Variants in AUTS2 observed in about 807,000 individuals in gnomAD.
AUTS2 encodes the protein autism susceptibility gene 2 protein.
AUTS2 carries 17 observed loss-of-function variants against 112.4 expected under a neutral mutation model. The ratio of observed to expected loss-of-function variants is 0.15; its 90% confidence interval spans 0.10 to 0.23. The LOEUF is 0.23. Among genes scored for constraint, AUTS2 ranks in the 10% least tolerant of loss-of-function variants. The pLI is 1.00. For synonymous variants in AUTS2, 751 were observed against 702.7 expected (o/e 1.07, Z -1.09); for missense variants, 1,510 against 1,701.6 (o/e 0.89, Z 1.98).
At chr7:69,878,523 C>G (rs980271951) in intron 1 of AUTS2, among the ~76,000 whole-genome samples, 1 of 152,124 alleles carries the variant, frequency 6.6e-6, no homozygotes, top group African/African-American at 2.4e-5. Flanking sequence ...CACTCTCCTG[C>G]AGGAGAGAGA....
rs186812972 is a variant in AUTS2, at chr7:70,650,088, A to C, written c.691-48481A>C. Among the ~76,000 whole-genome samples the C allele has an allele frequency of 3.8e-3, 576 of 152,278 alleles. 4 individuals are homozygous for C. Among genetic ancestry groups the C allele is most frequent in the African/African-American group, 0.014 (561 of 41,554 alleles). The stretch of plus-strand genomic sequence containing the variant: ...TCTTAGCTTTCTCCTCATGATTTCA[A>C]GATGGCCGCCATAGTTATCAGACAC... On this transcript the variant is annotated intron_variant, in intron 5 of 18. Coordinates refer to ENST00000342771, the MANE Select transcript of AUTS2 (RefSeq NM_015570.4).
At chr7:70,457,228 G>A (rs143218720) in intron 5 of AUTS2, among the ~76,000 whole-genome samples, 1,631 of 152,244 alleles carry the variant, frequency 0.011, 21 homozygotes, top group African/African-American at 0.036. Flanking sequence ...GCTGTGTGAG[G>A]GGGCCTCAGT....
In AUTS2 at chr7:70,791,895, T is replaced by C. The variant is rs1351727384; in HGVS notation, c.*899T>C. ...GCCAGGGAGGGTGGGATTTGCCAGATGCCAAAATCAGGGGACGGGTGGTGG... is the reference window on the plus strand; with the variant it reads ...GCCAGGGAGGGTGGGATTTGCCAGACGCCAAAATCAGGGGACGGGTGGTGG... On this transcript the variant is annotated 3_prime_UTR_variant, in exon 19 of 19. Transcript: ENST00000342771. 2.0e-5 allele frequency: 3 copies of C among 152,198 alleles called. No homozygotes were observed. Among genetic ancestry groups the C allele is most frequent in the Non-Finnish European group, 4.4e-5 (3 of 68,040 alleles). 9.4% of individuals were successfully genotyped at this position (152,198 alleles called of 1,614,324 possible).
At chr7:69,621,173 G>A (rs771060954) in intron 1 of AUTS2, among the ~76,000 whole-genome samples, 53 of 152,258 alleles carry the variant, frequency 3.5e-4, no homozygotes, top group South Asian at 1.7e-3. Context: ...GGTTGGTGCC[G>A]TTTTGATTCC....
intron 1 of AUTS2, among the ~76,000 whole-genome samples, chr7:69,811,066 A>T (rs1350095648): frequency 1.3e-5 from 2 of 152,116 alleles, no homozygotes; most frequent in Admixed American, 1.3e-4. Flanking sequence ...TGTGTCTCTC[A>T]TTTGAGAAGT....
At chr7:70,441,686 G>A (rs898916794) in intron 5 of AUTS2, among the ~76,000 whole-genome samples, 1 of 152,138 alleles carries the variant, frequency 6.6e-6, no homozygotes, top group African/African-American at 2.4e-5. Context: ...CATGCCTGGT[G>A]TTCATTTTTA....
intron 5 of AUTS2, among the ~76,000 whole-genome samples, chr7:70,626,084 T>G (rs1804927433): frequency 6.6e-6 from 1 of 151,992 alleles, no homozygotes; most frequent in African/African-American, 2.4e-5. Context: ...AGCTAATTTT[T>G]GTATTTTTAG....
chr7:70,328,896 T>G (rs1790616633), intron 4 of AUTS2, among the ~76,000 whole-genome samples: 1 of 152,222 alleles, frequency 6.6e-6, no homozygotes, highest in Non-Finnish European at 1.5e-5. Flanking sequence ...CCAAATATTT[T>G]CATCACTCCA....
chr7:70,689,673 G>A (rs1252617495), intron 5 of AUTS2, among the ~76,000 whole-genome samples: 1 of 151,442 alleles, frequency 6.6e-6, no homozygotes, highest in Non-Finnish European at 1.5e-5. Context: ...CTACTCGGGA[G>A]GCTGAGGCAG....
rs1786910793 is a variant in AUTS2, at chr7:69,733,867, T to G, written c.309+133905T>G. ...AATAGCAAATCCCAAGCCACTCACC[T>G]TTTTCTCATAGTATTAATGTTCTAA... On this transcript the variant is annotated intron_variant, in intron 1 of 18. Transcript: ENST00000342771. Among the ~76,000 whole-genome samples, 3 of 152,170 alleles carry G rather than the reference T, an allele frequency of 2.0e-5. No individual in the cohort carries two copies. The South Asian group carries it at 6.2e-4, about 31-fold the overall frequency.
intron 1 of AUTS2, among the ~76,000 whole-genome samples, chr7:69,612,639 A>G (rs1033891479): frequency 5.9e-5 from 9 of 152,072 alleles, no homozygotes; most frequent in Non-Finnish European, 8.8e-5. Context: ...TATTATTTGT[A>G]GAGACGGAGT....
At chr7:70,206,481 A>T (rs1408711113) in intron 4 of AUTS2, among the ~76,000 whole-genome samples, 2 of 152,186 alleles carry the variant, frequency 1.3e-5, no homozygotes, top group Admixed American at 6.5e-5. Flanking sequence ...TGAGAAAAAA[A>T]TGATTTAAAA....
intron 1 of AUTS2, among the ~76,000 whole-genome samples, chr7:69,766,257 A>G (rs1260888550): frequency 1.3e-5 from 2 of 152,146 alleles, no homozygotes; most frequent in Non-Finnish European, 2.9e-5. Flanking sequence ...AGGTTCATTC[A>G]TGTTGTAGTA....
At chr7:70,357,146 G>A (rs1349331182) in intron 4 of AUTS2, among the ~76,000 whole-genome samples, 2 of 152,154 alleles carry the variant, frequency 1.3e-5, no homozygotes, top group East Asian at 1.9e-4. Flanking sequence ...GATTTGGCAG[G>A]CACTTGGGTA....
Position 69,683,450 on chromosome 7 carries a change from A to G in AUTS2, c.309+83488A>G, listed in dbSNP as rs1295071091. On this transcript the variant is annotated intron_variant, in intron 1 of 18. Transcript: ENST00000342771. ...TTGGGGGCTGCTTTTTCAGTAAAAG[A>G]AAAAGCCTCACCGAGGACTCTTTTA... 3.3e-5 allele frequency among the ~76,000 whole-genome samples: 5 copies of G among 152,312 alleles called. No individual in the cohort carries two copies. In the East Asian group the frequency reaches 9.6e-4, roughly 29 times the overall value.
chr7:70,642,561 A>G (rs1320887687), intron 5 of AUTS2, among the ~76,000 whole-genome samples: 1 of 152,158 alleles, frequency 6.6e-6, no homozygotes. Context: ...TAGAAGAACT[A>G]TGTTGCATTC....
chr7:69,828,391 C>T (rs927285406), intron 1 of AUTS2, among the ~76,000 whole-genome samples: 3 of 152,092 alleles, frequency 2.0e-5, no homozygotes, highest in East Asian at 1.9e-4. Flanking sequence ...CGTGAGCCAG[C>T]GTAAGAGGAC....
chr7:69,943,215 C>A (rs1479936832), intron 2 of AUTS2, among the ~76,000 whole-genome samples: 3 of 152,210 alleles, frequency 2.0e-5, no homozygotes, highest in African/African-American at 7.2e-5. Flanking sequence ...GAGAATAATA[C>A]TACTGCCTAC....
chr7:70,278,629 A>G (rs1023825839), intron 4 of AUTS2, among the ~76,000 whole-genome samples: 1 of 152,088 alleles, frequency 6.6e-6, no homozygotes, highest in Non-Finnish European at 1.5e-5. Context: ...ATACATATGT[A>G]CATGCATACA....
Sources: allele counts gnomAD v4.1 joint callset (sites outside exome capture counted in the v4.1 genomes callset), GRCh38; gene constraint gnomAD v4.1.1; transcripts MANE v1.5; gene names NCBI Gene and HGNC (gene_info 2026-07-23, HGNC 2026-07-21).